The following LRP1 variants were observed in gnomAD, a reference collection of about 807,000 sequenced individuals.
LRP1 encodes prolow-density lipoprotein receptor-related protein 1.
In LRP1, 51 loss-of-function variants were observed where a neutral mutation model predicts 541.5. The observed-to-expected ratio is 0.09, with a 90% CI of 0.08 to 0.12. The LOEUF is 0.12. LRP1 is among the 10% of genes least tolerant of loss of function. The pLI is 1.00. For synonymous variants in LRP1, 2,219 were observed against 2,470.8 expected (o/e 0.90, Z 3.02); for missense variants, 3,878 against 6,376.2 (o/e 0.61, Z 13.34).
chr12:57,184,846 A>G lies in LRP1; in HGVS notation c.6194A>G (p.Lys2065Arg), dbSNP rs753460658. 2 of 1,612,670 alleles carry G rather than the reference A, an allele frequency of 1.2e-6. No individual in the cohort carries two copies. The highest frequency in any genetic ancestry group is 2.2e-5 in the South Asian group (2 of 91,038). ...NGISVDYQDG[K>R]LYWCDARTDK... ...GGTGCCTCTGGCCTGTAGGATGGGA[A>G]GCTGTACTGGTGCGATGCACGGACA... The change falls in exon 39 of 89, where the codon AAG becomes AGG. Residue 2065 changes from lysine to arginine, a missense_variant. This residue lies in a region of LRP1 where 1,100 missense variants were observed against 1,827.4 expected (regional missense o/e 0.60). Transcript: ENST00000243077. This position sits in a 1 kb window ranked among gnomAD's most constrained non-coding sequence, Gnocchi z 7.8.
Position 57,128,974 on chromosome 12 carries a change from C to T in LRP1, c.10C>T (p.Pro4Ser). Residue 4 changes from proline to serine, a missense_variant, in exon 1 of 89, where the codon CCG becomes TCG. Coordinates refer to ENST00000243077, the MANE Select transcript of LRP1 (RefSeq NM_002332.3). MLTPPLLLLLPLLS... is the reference protein window; with the variant it reads MLTSPLLLLLPLLS... ...TGCATCAGCCCACACCATGCTGACC[C>T]CGCCGTTGCTCCTGCTGCTGCCCCT... is the stretch of plus-strand genomic sequence containing the variant. 1 of 1,551,106 alleles carries T rather than the reference C, an allele frequency of 6.4e-7. No homozygotes were observed. Among genetic ancestry groups the T allele is most frequent in the Non-Finnish European group, 8.7e-7 (1 of 1,146,636 alleles).
Position 57,192,854 on chromosome 12 carries a change from C to T in LRP1, c.7439C>T (p.Ser2480Phe). ...CCCTGTCCCTGCTCAGGTGAACTCT[C>T]TCCATGCCGAATCAACAACGGTGGC... Reference protein sequence around the residue: ...VANDTNSCELSPCRINNGGCQ... With the variant: ...VANDTNSCELFPCRINNGGCQ... The change falls in exon 45 of 89, where the codon TCT becomes TTT. Residue 2480 changes from serine to phenylalanine, a missense_variant. By Grantham distance (155) the Ser-to-Phe change is radical. Transcript: ENST00000243077. 1.2e-6 allele frequency: 2 copies of T among 1,614,140 alleles called. No homozygotes were observed. Among genetic ancestry groups the T allele is most frequent in the Non-Finnish European group, 1.7e-6 (2 of 1,180,026 alleles).
intron 47 of LRP1, 77 bp downstream of exon 47, chr12:57,193,762 G>A (rs1338322903): frequency 1.9e-6 from 3 of 1,611,040 alleles, no homozygotes; most frequent in Non-Finnish European, 2.5e-6. Context: ...CTTTGTCCCT[G>A]GGCCCCGTGG....
rs1251539400 is a variant in LRP1 at position 57,212,007 on chromosome 12, C to T, written c.13339C>T (p.Arg4447Ter). Residue 4447 changes from arginine (R) to a stop codon, truncating the protein, a stop_gained, in exon 87 of 89, where the codon CGA becomes TGA. Transcript: ENST00000243077. LOFTEE classifies it high-confidence loss of function. The surrounding 1 kb of genome is among the most constrained non-coding windows in gnomAD (Gnocchi z 5.0). ...VAGVVFWYKR[R>*]VQGAKGFQHQ... ...CGGAGTGGTATTCTGGTATAAGCGG[C>T]GAGTCCAAGGGTGAGTCACAGGGAT... 1 of 1,614,090 alleles carries T rather than the reference C, an allele frequency of 6.2e-7. No individual in the cohort carries two copies. The highest frequency in any genetic ancestry group is 8.5e-7 in the Non-Finnish European group (1 of 1,180,008).
chr12:57,212,198 A>C lies in LRP1; in HGVS notation c.13431A>C (p.Glu4477Asp), dbSNP rs748100313. The change falls in exon 88 of 89, where the codon GAA (glutamate) becomes GAC (aspartate). Residue 4477 changes from glutamate (E) to aspartate (D), a missense_variant. This residue lies in a region of LRP1 where 871 missense variants were observed against 1,212.4 expected (regional missense o/e 0.72). Transcript: ENST00000243077. This position sits in a 1 kb window ranked among gnomAD's most constrained non-coding sequence, Gnocchi z 5.0. The stretch of plus-strand genomic sequence containing the variant: ...GAAACCCCACCTACAAGATGTACGA[A>C]GGCGGAGAGCCTGATGATGTGGGAG... ...EIGNPTYKMY[E>D]GGEPDDVGGL... The C allele has an allele frequency of 1.9e-6, 3 of 1,613,952 alleles. No individual in the cohort carries two copies. The South Asian group carries it at 3.3e-5, about 18-fold the overall frequency.
In LRP1 at chr12:57,210,879, C is replaced by G. The variant is rs1287931581; in HGVS notation, c.12916C>G (p.Arg4306Gly). 5.6e-6 allele frequency: 9 copies of G among 1,608,626 alleles called. No homozygotes were observed. In the Admixed American group the frequency reaches 1.2e-4, roughly 21 times the overall value. Residue 4306 changes from arginine to glycine, a missense_variant and splice_region_variant, in exon 83 of 89, where the codon CGG becomes GGG. By Grantham distance (125) the Arg-to-Gly change is moderately radical. This residue lies in a region of LRP1 where 871 missense variants were observed against 1,212.4 expected (regional missense o/e 0.72). Transcript: ENST00000243077. ...PGFLGDRCQYRQCSGYCENFG... is the reference protein window; with the variant it reads ...PGFLGDRCQYGQCSGYCENFG... ...CTTCCTGGGCGACCGCTGCCAGTACCGTGAGTGAGCCATCCCTGGGCCCCA... is the reference window on the plus strand; with the variant it reads ...CTTCCTGGGCGACCGCTGCCAGTACGGTGAGTGAGCCATCCCTGGGCCCCA...
intron 42 of LRP1, 84 bp downstream of exon 42, chr12:57,187,540 G>T (rs2036294478): frequency 2.9e-6 from 4 of 1,373,072 alleles, no homozygotes; most frequent in Middle Eastern, 4.6e-4. Context: ...CCAAGCGGGG[G>T]TGCAGGAGAG....
At chr12:57,181,857 G>A (rs750828217) in intron 34 of LRP1, among the ~76,000 whole-genome samples, 20 of 152,206 alleles carry the variant, frequency 1.3e-4, no homozygotes, top group Non-Finnish European at 2.1e-4. Context: ...AAACCCAGAC[G>A]CATTTCACAA....
intron 42 of LRP1, among the ~76,000 whole-genome samples, chr12:57,190,528 C>T (rs2036356230): frequency 6.6e-6 from 1 of 152,234 alleles, no homozygotes; most frequent in African/African-American, 2.4e-5. Context: ...GCTGCACCGG[C>T]TCTCTTCTCA....
intron 4 of LRP1, 133 bp downstream of exon 4, chr12:57,143,931 C>T (rs1454805718): frequency 8.5e-7 from 1 of 1,173,536 alleles, no homozygotes; most frequent in South Asian, 1.9e-5. Context: ...GAGGGGGTGC[C>T]ACCACCCCAG....
chr12:57,149,260 C>G (rs2035478982), intron 6 of LRP1: 1 of 441,354 alleles, frequency 2.3e-6, no homozygotes, highest in Non-Finnish European at 4.0e-6. Flanking sequence ...TGGCTCTAGC[C>G]ACCCCACTCT....
In LRP1 at chr12:57,179,414, C is replaced by T. The variant is rs1343713116; in HGVS notation, c.4824C>T (p.Ser1608=). The T allele has an allele frequency of 7.4e-6, 12 of 1,614,136 alleles. No homozygotes were observed. Among genetic ancestry groups the T allele is most frequent in the Admixed American group, 1.7e-5 (1 of 60,010 alleles). Residue 1608 remains serine, a synonymous_variant, in exon 29 of 89, where the codon TCC becomes TCT. Transcript: ENST00000243077. The surrounding 1 kb of genome is among the most constrained non-coding windows in gnomAD (Gnocchi z 6.8). ...LDAPYYNYII[S]FTVPDIDNVT... The stretch of plus-strand genomic sequence containing the variant: ...CTCCCTACTACAACTACATCATCTC[C>T]TTCACGGTGCCCGACATCGACAACG...
chr12:57,192,782 A>G (rs2036441605), intron 44 of LRP1, 63 bp from the exon 45 acceptor site: 3 of 1,604,372 alleles, frequency 1.9e-6, no homozygotes, highest in Admixed American at 1.7e-5. Flanking sequence ...GGGTGGGTGC[A>G]CTCTGGGTGC....
rs1192049641 is a variant in LRP1 at position 57,202,477 on chromosome 12, G to A, written c.10651G>A (p.Gly3551Ser). ...FRCKNNRCVPGRWQCDYDNDC... is the reference protein window; with the variant it reads ...FRCKNNRCVPSRWQCDYDNDC... Reference sequence around the variant, plus strand: ...CTGCAAGAACAACCGCTGCGTGCCCGGCCGCTGGCAGTGCGACTACGACAA... The same window carrying A: ...CTGCAAGAACAACCGCTGCGTGCCCAGCCGCTGGCAGTGCGACTACGACAA... Residue 3551 changes from glycine (G) to serine (S), a missense_variant, in exon 68 of 89, where the codon GGC (glycine) becomes AGC (serine). By Grantham distance (56) the Gly-to-Ser change is moderately conservative. This residue lies in a region of LRP1 where 278 missense variants were observed against 536.3 expected (regional missense o/e 0.52). Coordinates refer to ENST00000243077, the MANE Select transcript of LRP1 (RefSeq NM_002332.3). 3 of 1,613,566 alleles carry A rather than the reference G, an allele frequency of 1.9e-6. No individual in the cohort carries two copies. Among genetic ancestry groups the A allele is most frequent in the Admixed American group, 1.7e-5 (1 of 60,008 alleles).
chr12:57,192,678 A>G (rs1430829897), intron 44 of LRP1, among the ~76,000 whole-genome samples, 167 bp from the exon 45 acceptor site: 1 of 152,046 alleles, frequency 6.6e-6, no homozygotes, highest in Non-Finnish European at 1.5e-5. Context: ...TGGCCCTCCC[A>G]CAGCAGCCAT....
intron 1 of LRP1, among the ~76,000 whole-genome samples, chr12:57,137,110 G>T (rs1344388965): frequency 6.6e-6 from 1 of 151,902 alleles, no homozygotes; most frequent in Admixed American, 6.6e-5. Flanking sequence ...GCGTGGTGGC[G>T]CATGCCTGTA....
In LRP1 at chr12:57,205,353, C is replaced by A; in HGVS notation, c.11338C>A (p.Pro3780Thr). Residue 3780 changes from proline (P) to threonine (T), a missense_variant and splice_region_variant, in exon 74 of 89, where the codon CCC becomes ACC. Around this residue, in one of 13 missense-constraint regions of LRP1, gnomAD observed 871 missense variants for 1,212.4 expected, o/e 0.72. Transcript: ENST00000243077. The surrounding 1 kb of genome is among the most constrained non-coding windows in gnomAD (Gnocchi z 4.6). ...CATCCACTCTCTGTCCCCCACAGAC[C>A]CCAAGCTGACCAGCTGCGCCACCAA... ...GSDEEDCSID[P>T]KLTSCATNAS... is the part of the protein sequence containing the mutation. The A allele has an allele frequency of 6.2e-7, 1 of 1,604,954 alleles. No homozygotes were observed. Among genetic ancestry groups the A allele is most frequent in the Admixed American group, 1.7e-5 (1 of 59,730 alleles).
chr12:57,164,825 G>C (rs2035807077), intron 15 of LRP1: 1 of 152,338 alleles, frequency 6.6e-6, no homozygotes, highest in African/African-American at 2.4e-5. Flanking sequence ...AGGAGGGAGT[G>C]GCTGGGGTCA....
intron 20 of LRP1, among the ~76,000 whole-genome samples, chr12:57,170,547 T>C (rs1324448036): frequency 6.7e-6 from 1 of 150,014 alleles, no homozygotes; most frequent in Admixed American, 6.6e-5. Flanking sequence ...AGGCTGGGTG[T>C]GTTGACTCAC....
Sources: gnomAD v4.1 joint callset for allele counts (sites outside exome capture counted in the v4.1 genomes callset) on GRCh38, gnomAD v4.1.1 for gene constraint, gnomAD v4.1.1 regional missense constraint, Gnocchi (gnomAD v3.1) non-coding constraint, MANE v1.5 for transcripts, NCBI Gene and HGNC (gene_info 2026-07-23, HGNC 2026-07-21) for gene names.